The following PDZD2 variants were observed in gnomAD, a reference collection of about 807,000 sequenced individuals.
PDZD2 encodes PDZ domain-containing protein 2.
PDZD2 carries 90 observed loss-of-function variants against 220.7 expected under a neutral mutation model. The ratio of observed to expected loss-of-function variants is 0.41; its 90% confidence interval spans 0.34 to 0.49. The LOEUF is 0.49. Among genes scored for constraint, PDZD2 ranks in the 20% least tolerant of loss-of-function variants. The pLI, the probability that PDZD2 is intolerant of heterozygous loss-of-function variation, is 0.28. For synonymous variants in PDZD2, 1,375 were observed against 1,450.5 expected (o/e 0.95, Z 1.18); for missense variants, 3,174 against 3,608.5 (o/e 0.88, Z 3.08).
chr5:31,725,200 T>G (rs1749049043), intron 1 of PDZD2, among the ~76,000 whole-genome samples: 2 of 151,790 alleles, frequency 1.3e-5, no homozygotes, highest in Non-Finnish European at 2.9e-5. Context: ...TAGCCAGGCG[T>G]GGTGGCACAC....
At chr5:32,081,289 C>A (rs1741929314) in intron 19 of PDZD2, among the ~76,000 whole-genome samples, 1 of 152,104 alleles carries the variant, frequency 6.6e-6, no homozygotes, top group South Asian at 2.1e-4. Flanking sequence ...AGATAATGAG[C>A]CTTGAGAAAG....
chr5:32,076,984 G>A (rs549713749), intron 18 of PDZD2, among the ~76,000 whole-genome samples: 1 of 152,310 alleles, frequency 6.6e-6, no homozygotes, highest in East Asian at 1.9e-4. Flanking sequence ...TCATTGCATT[G>A]AATGTTAGGT....
chr5:32,055,952 GA>G (rs1276831917), intron 10 of PDZD2, among the ~76,000 whole-genome samples: 12 of 151,992 alleles, frequency 7.9e-5, no homozygotes, highest in Admixed American at 2.6e-4. Flanking sequence ...GCAAAACGGG[GA>G]AAAAAAATCA....
intron 5 of PDZD2, among the ~76,000 whole-genome samples, chr5:32,005,934 G>A (rs1752761434): frequency 1.3e-5 from 2 of 152,060 alleles, no homozygotes; most frequent in African/African-American, 2.4e-5. Flanking sequence ...GATCACTTGA[G>A]GTCAGGATTC....
At chr5:31,993,854 T>C (rs1751423056) in intron 3 of PDZD2, among the ~76,000 whole-genome samples, 1 of 152,136 alleles carries the variant, frequency 6.6e-6, no homozygotes, top group South Asian at 2.1e-4. Flanking sequence ...TTTCTCTAAA[T>C]AGCTAAGGAC....
chr5:32,090,033 A>G lies in PDZD2; in HGVS notation c.6585A>G (p.Arg2195=). The G allele has an allele frequency of 6.2e-7, 1 of 1,611,716 alleles. No individual in the cohort carries two copies. The highest frequency in any genetic ancestry group is 8.5e-7 in the Non-Finnish European group (1 of 1,179,058). The change falls in exon 20 of 25, where the codon CGA becomes CGG. Residue 2195 remains arginine (R), a synonymous_variant. Coordinates refer to ENST00000438447, the MANE Select transcript of PDZD2 (RefSeq NM_178140.4). This position sits in a 1 kb window ranked among gnomAD's most constrained non-coding sequence, Gnocchi z 4.3. The stretch of plus-strand genomic sequence containing the variant: ...AATCAAGCCTGATGTCAGACTCCCG[A>G]GGGGTGCCCAGAAACAGCATTCCAG... The part of the protein sequence containing the change: ...QGKSSLMSDS[R]GVPRNSIPGG...
intron 1 of PDZD2, among the ~76,000 whole-genome samples, chr5:31,743,710 C>T (rs79295553): frequency 0.016 from 2,449 of 152,120 alleles, 80 homozygotes; most frequent in African/African-American, 0.057. Flanking sequence ...TCCATTCATT[C>T]GTCCATCTAT....
At chr5:32,051,327 A>G (rs1234128150) in intron 8 of PDZD2, among the ~76,000 whole-genome samples, 1 of 152,234 alleles carries the variant, frequency 6.6e-6, no homozygotes, top group African/African-American at 2.4e-5. Context: ...CTGGGAGGCC[A>G]ACATTGTTGG....
At chr5:31,889,849 C>T (rs145177361) in intron 2 of PDZD2, among the ~76,000 whole-genome samples, 181 of 152,130 alleles carry the variant, frequency 1.2e-3, no homozygotes, top group African/African-American at 4.0e-3. Context: ...GTGAAACCCC[C>T]GTCTCTACTA....
intron 1 of PDZD2, among the ~76,000 whole-genome samples, chr5:31,781,297 C>G (rs929361631): frequency 1.3e-5 from 2 of 152,144 alleles, no homozygotes; most frequent in Non-Finnish European, 2.9e-5. Context: ...GTCTGTAATC[C>G]CAGCTACTCA....
At chr5:31,658,269 A>T (rs6890960) in intron 1 of PDZD2, among the ~76,000 whole-genome samples, 3 of 151,832 alleles carry the variant, frequency 2.0e-5, no homozygotes, top group Non-Finnish European at 4.4e-5. Context: ...CCTCTCAGCA[A>T]GGAATCTTCA....
chr5:31,842,772 T>C (rs967400808), intron 2 of PDZD2, among the ~76,000 whole-genome samples: 1 of 152,236 alleles, frequency 6.6e-6, no homozygotes, highest in African/African-American at 2.4e-5. Context: ...TATGTACTGA[T>C]ACTTTTATGA....
Position 32,000,242 on chromosome 5 carries a change from G to C in PDZD2, c.1225G>C (p.Gly409Arg), listed in dbSNP as rs757400834. The part of the protein sequence containing the change: ...EAVAILRSAT[G>R]MVQLVVASKE... ...AGTGGCCATTCTTCGCTCCGCCACGGGAATGGTGCAGCTTGTGGTGGCCAG... is the reference window on the plus strand; with the variant it reads ...AGTGGCCATTCTTCGCTCCGCCACGCGAATGGTGCAGCTTGTGGTGGCCAG... The change falls in exon 5 of 25, where the codon GGA becomes CGA. Residue 409 changes from glycine to arginine, a missense_variant. Transcript: ENST00000438447. This position sits in a 1 kb window ranked among gnomAD's most constrained non-coding sequence, Gnocchi z 4.5. 2.5e-6 allele frequency: 4 copies of C among 1,614,174 alleles called. No homozygotes were observed. Among genetic ancestry groups the C allele is most frequent in the Non-Finnish European group, 3.4e-6 (4 of 1,180,006 alleles).
chr5:32,072,241 C>T lies in PDZD2; in HGVS notation c.2649C>T (p.Ala883=). ...VPGPLSDFMV[A]GSEDEDHPGS... Reference sequence around the variant, plus strand: ...GCCCCTTGTCAGACTTCATGGTGGCCGGTTCTGAGGACGAGGATCACCCGG... The same window carrying T: ...GCCCCTTGTCAGACTTCATGGTGGCTGGTTCTGAGGACGAGGATCACCCGG... Residue 883 remains alanine, a synonymous_variant, in exon 17 of 25, where the codon GCC becomes GCT. Coordinates refer to ENST00000438447, the MANE Select transcript of PDZD2 (RefSeq NM_178140.4). 4 of 1,613,982 alleles carry T rather than the reference C, an allele frequency of 2.5e-6. No individual in the cohort carries two copies. Among genetic ancestry groups the T allele is most frequent in the South Asian group, 1.1e-5 (1 of 91,076 alleles).
At chr5:31,951,945 T>C (rs72759609) in intron 2 of PDZD2, among the ~76,000 whole-genome samples, 14,113 of 152,264 alleles carry the variant, frequency 0.093, 696 homozygotes, top group Middle Eastern at 0.11. Flanking sequence ...TATTTTTTGT[T>C]TTTGTCTTAG....
At chr5:32,043,566 G>A (rs2112264252) in intron 7 of PDZD2, among the ~76,000 whole-genome samples, 1 of 152,346 alleles carries the variant, frequency 6.6e-6, no homozygotes, top group Middle Eastern at 3.4e-3. Flanking sequence ...CCACTCCATG[G>A]TGTGGCAGCA....
intron 2 of PDZD2, among the ~76,000 whole-genome samples, chr5:31,807,822 G>A (rs1205044432): frequency 2.6e-5 from 4 of 152,142 alleles, no homozygotes; most frequent in Non-Finnish European, 5.9e-5. Context: ...GGGGGCTCAG[G>A]GCGACAGGCC....
At chr5:31,697,944 C>T (rs372522888) in intron 1 of PDZD2, among the ~76,000 whole-genome samples, 2 of 151,572 alleles carry the variant, frequency 1.3e-5, no homozygotes, top group East Asian at 2.0e-4. Context: ...CTCTCTGTCA[C>T]CAGGCTGGAG....
intron 6 of PDZD2, among the ~76,000 whole-genome samples, chr5:32,021,075 T>A (rs1754163694): frequency 6.8e-6 from 1 of 146,086 alleles, no homozygotes; most frequent in African/African-American, 2.6e-5. Context: ...TTTTTTTTTT[T>A]ACATTTTCCT....
Sources: allele counts gnomAD v4.1 joint callset (sites outside exome capture counted in the v4.1 genomes callset), GRCh38; gene constraint gnomAD v4.1.1; non-coding constraint Gnocchi (gnomAD v3.1); transcripts MANE v1.5; gene names NCBI Gene and HGNC (gene_info 2026-07-23, HGNC 2026-07-21).